Variants in FER1L6 observed in about 807,000 individuals in gnomAD.
FER1L6 encodes the protein fer-1 like family member 6.
Under a neutral mutation model 219.2 loss-of-function variants are expected in FER1L6, and 177 were observed. That is an observed-to-expected ratio of 0.81 (90% CI 0.71 to 0.91). The LOEUF (loss-of-function observed/expected upper bound fraction) is 0.91, where lower values mean the gene tolerates loss of function less well. Among genes scored for constraint, FER1L6 ranks in the 40% least tolerant of loss-of-function variants. The pLI is 0.00. For missense variants in FER1L6, 2,153 were observed against 2,259.9 expected, an observed-to-expected ratio of 0.95 and a Z score of 0.96; for synonymous variants, 768 against 824.3, an observed-to-expected ratio of 0.93 and a Z score of 1.17.
Position 123,956,040 on chromosome 8 carries a change from G to T in FER1L6, c.42G>T (p.Glu14Asp). 1 of 1,612,456 alleles carries T rather than the reference G, an allele frequency of 6.2e-7. No homozygotes were observed. The highest frequency in any genetic ancestry group is 1.1e-5 in the South Asian group (1 of 90,500). ...TGAAGAAGAAGAGAAATAAGGCAGA[G>T]AAGGGGTTAATCCTAGCCAACAAGG... Reference protein sequence around the residue: ...LKVKKKRNKAEKGLILANKAA... With the variant: ...LKVKKKRNKADKGLILANKAA... Residue 14 changes from glutamate to aspartate, a missense_variant, in exon 2 of 41, where the codon GAG (glutamate) becomes GAT (aspartate). Transcript: ENST00000522917.
chr8:124,047,983 T>C (rs1223783660), intron 21 of FER1L6, among the ~76,000 whole-genome samples: 2 of 152,204 alleles, frequency 1.3e-5, no homozygotes, highest in African/African-American at 4.8e-5. Context: ...TACTCTTTTG[T>C]TTCCAGGGCT....
intron 1 of FER1L6, among the ~76,000 whole-genome samples, chr8:123,901,166 C>T (rs780694675): frequency 6.6e-6 from 1 of 152,104 alleles, no homozygotes; most frequent in Non-Finnish European, 1.5e-5. Flanking sequence ...TTGTAAATTA[C>T]CATTTCAATC....
chr8:124,021,711 G>T, intron 17 of FER1L6, 42 bp downstream of exon 17: 1 of 1,608,916 alleles, frequency 6.2e-7, no homozygotes, highest in South Asian at 1.1e-5. Context: ...AAGGTTAGAT[G>T]GAATGTCTTC....
intron 13 of FER1L6, among the ~76,000 whole-genome samples, chr8:124,008,178 A>T (rs1272864329): frequency 6.6e-6 from 1 of 152,168 alleles, no homozygotes; most frequent in African/African-American, 2.4e-5. Flanking sequence ...CCATTTATGA[A>T]TGAAAGCATA....
chr8:124,010,871 C>G lies in FER1L6; in HGVS notation c.1821+157C>G, dbSNP rs76739847. On this transcript the variant is annotated intron_variant, in intron 14 of 40. Transcript: ENST00000522917. ...GGCACGTGGATCCTACTATGCAAAT[C>G]TAGGGGAATGAGACCTCATTTTGCA... Among the ~76,000 whole-genome samples, 8 of 152,288 alleles carry G rather than the reference C, an allele frequency of 5.3e-5. No individual in the cohort carries two copies. In the East Asian group the frequency reaches 1.3e-3, roughly 26 times the overall value.
chr8:124,101,453 C>A (rs1822546591), intron 38 of FER1L6, 115 bp downstream of exon 38: 1 of 956,998 alleles, frequency 1.0e-6, no homozygotes, highest in Non-Finnish European at 1.5e-6. Context: ...TCTATGATAG[C>A]AAAAACCTGG....
intron 39 of FER1L6, among the ~76,000 whole-genome samples, chr8:124,114,758 G>A (rs1359674895): frequency 6.6e-6 from 1 of 151,330 alleles, no homozygotes; most frequent in Non-Finnish European, 1.5e-5. Context: ...TTGTATGCAT[G>A]TATATATTTG....
At chr8:124,023,820 TAA>T (rs1818577583) in intron 18 of FER1L6, among the ~76,000 whole-genome samples, 1 of 152,168 alleles carries the variant, frequency 6.6e-6, no homozygotes, top group South Asian at 2.1e-4. Context: ...CAGACACACA[TAA>T]GTTTCTTTTT....
At chr8:124,094,705 T>A (rs1212066521) in intron 34 of FER1L6, among the ~76,000 whole-genome samples, 191 bp from the exon 35 acceptor site, 1 of 152,210 alleles carries the variant, frequency 6.6e-6, no homozygotes, top group Non-Finnish European at 1.5e-5. Context: ...CAGGCTCATC[T>A]TGAACTCCTG....
chr8:123,972,311 C>T lies in FER1L6; in HGVS notation c.448-1123C>T, dbSNP rs115124582. Reference sequence around the variant, plus strand: ...CTGTTTAGAAGCTGCAAAAGCCTTCCGTTCATCTGTCATTCGATTAGTCAT... The same window carrying T: ...CTGTTTAGAAGCTGCAAAAGCCTTCTGTTCATCTGTCATTCGATTAGTCAT... On this transcript the variant is annotated intron_variant, in intron 6 of 40. Transcript: ENST00000522917. Among the ~76,000 whole-genome samples, 569 of 152,346 alleles carry T rather than the reference C, an allele frequency of 3.7e-3. 6 individuals are homozygous for T. The highest frequency in any genetic ancestry group is 0.013 in the African/African-American group (539 of 41,574).
chr8:124,029,502 T>G (rs1818866302), intron 18 of FER1L6, among the ~76,000 whole-genome samples: 1 of 152,216 alleles, frequency 6.6e-6, no homozygotes. Flanking sequence ...TGGTTTTGAT[T>G]TGCATTTCTC....
chr8:123,955,133 G>A (rs534966992), intron 1 of FER1L6, among the ~76,000 whole-genome samples: 8 of 152,276 alleles, frequency 5.3e-5, no homozygotes, highest in African/African-American at 1.9e-4. Flanking sequence ...TACGGGCATG[G>A]TGGCAGGCCC....
In FER1L6 at chr8:124,006,806, C is replaced by T. The variant is rs866641185; in HGVS notation, c.1700+3459C>T. Among the ~76,000 whole-genome samples the T allele has an allele frequency of 5.9e-5, 9 of 152,290 alleles. No individual in the cohort carries two copies. In the South Asian group the frequency reaches 6.2e-4, roughly 11 times the overall value. On this transcript the variant is annotated intron_variant, in intron 13 of 40. Coordinates refer to ENST00000522917, the MANE Select transcript of FER1L6 (RefSeq NM_001039112.2). ...TGCCATCTGCTGCCCTCCAGCTGCA[C>T]TGCAGTTTGCCTAAGAAGCCACAGC...
chr8:123,972,857 C>T (rs79896846), intron 6 of FER1L6, among the ~76,000 whole-genome samples: 85 of 152,298 alleles, frequency 5.6e-4, no homozygotes, highest in African/African-American at 1.9e-3. Context: ...CAGCTCTGCA[C>T]CTTCCTTTAG....
intron 12 of FER1L6, among the ~76,000 whole-genome samples, chr8:123,995,715 T>C (rs1339686961): frequency 6.6e-6 from 1 of 152,150 alleles, no homozygotes. Context: ...ATTTTGAATT[T>C]GTTTGCTCTT....
chr8:123,989,629 C>T (rs1816756841), intron 12 of FER1L6, among the ~76,000 whole-genome samples: 1 of 152,152 alleles, frequency 6.6e-6, no homozygotes, highest in Non-Finnish European at 1.5e-5. Context: ...ATACCCATAG[C>T]TTAGCTCCTG....
intron 1 of FER1L6, among the ~76,000 whole-genome samples, chr8:123,942,349 C>T (rs763069145): frequency 1.3e-5 from 2 of 152,182 alleles, no homozygotes; most frequent in Non-Finnish European, 2.9e-5. Flanking sequence ...CACAAAGGTG[C>T]ACAATGGAGA....
intron 1 of FER1L6, among the ~76,000 whole-genome samples, chr8:123,865,935 C>A (rs535145858): frequency 6.6e-6 from 1 of 150,568 alleles, no homozygotes; most frequent in South Asian, 2.1e-4. Flanking sequence ...AGAAATCACC[C>A]GTCTTCTGCG....
At chr8:123,878,323 G>A (rs1817046222) in intron 1 of FER1L6, among the ~76,000 whole-genome samples, 1 of 152,126 alleles carries the variant, frequency 6.6e-6, no homozygotes, top group Non-Finnish European at 1.5e-5. Flanking sequence ...AGTGTAACCT[G>A]GAGTTCACAG....
Sources: allele counts gnomAD v4.1 joint callset (sites outside exome capture counted in the v4.1 genomes callset), GRCh38; gene constraint gnomAD v4.1.1; transcripts MANE v1.5; gene names NCBI Gene and HGNC (gene_info 2026-07-23, HGNC 2026-07-21).